Variants in CADM2 observed in about 807,000 individuals in gnomAD.
CADM2 encodes immunoglobulin superfamily member 4D.
In CADM2, 12 loss-of-function variants were observed where a neutral mutation model predicts 49.8. The ratio of observed to expected loss-of-function variants is 0.24; its 90% CI spans 0.15 to 0.39. The LOEUF (loss-of-function observed/expected upper bound fraction) is 0.39, where lower values mean the gene tolerates loss of function less well. Among genes scored for constraint, CADM2 ranks in the 10% least tolerant of loss-of-function variants. CADM2 has a pLI of 1.00. For synonymous variants in CADM2, 214 were observed against 175.4 expected, an observed-to-expected ratio of 1.22 and a Z score of -1.74; for missense variants, 378 against 492.3, an observed-to-expected ratio of 0.77 and a Z score of 2.20.
intron 1 of CADM2, among the ~76,000 whole-genome samples, chr3:85,329,233 G>A (rs560774193): frequency 2.8e-4 from 42 of 152,136 alleles, no homozygotes; most frequent in African/African-American, 9.4e-4. Context: ...TTTGGAAGCA[G>A]CCCTAAAAAA....
intron 1 of CADM2, among the ~76,000 whole-genome samples, chr3:85,216,375 TA>T (rs1206657408): frequency 2.7e-5 from 4 of 146,928 alleles, no homozygotes; most frequent in Non-Finnish European, 6.0e-5. Context: ...TATTTAATAT[TA>T]ATGTACACTT....
chr3:85,221,307 TG>T (rs1029505813), intron 1 of CADM2, among the ~76,000 whole-genome samples: 1 of 152,052 alleles, frequency 6.6e-6, no homozygotes, highest in African/African-American at 2.4e-5. Flanking sequence ...CAGGATAGAA[TG>T]AGGAGGAAAA....
At chr3:85,549,168 C>T (rs1344494814) in intron 1 of CADM2, among the ~76,000 whole-genome samples, 1 of 152,064 alleles carries the variant, frequency 6.6e-6, no homozygotes, top group African/African-American at 2.4e-5. Context: ...ATAATATGCT[C>T]ACATCTGTGG....
chr3:85,991,891 G>T (rs1468125492), intron 8 of CADM2, among the ~76,000 whole-genome samples: 2 of 151,922 alleles, frequency 1.3e-5, no homozygotes, highest in East Asian at 3.9e-4. Context: ...GACCTATGAA[G>T]TCGCTTATTT....
At chr3:85,713,456 A>G (rs1020570612) in intron 1 of CADM2, among the ~76,000 whole-genome samples, 4 of 152,126 alleles carry the variant, frequency 2.6e-5, no homozygotes, top group African/African-American at 7.2e-5. Flanking sequence ...AGCCTAAACC[A>G]TAGTTTATAT....
At chr3:85,934,696 T>C (rs527985378) in intron 6 of CADM2, among the ~76,000 whole-genome samples, 1 of 152,232 alleles carries the variant, frequency 6.6e-6, no homozygotes, top group South Asian at 2.1e-4. Flanking sequence ...GAAATCTAAA[T>C]AATATTTTCC....
chr3:85,490,352 G>T (rs1020700024), intron 1 of CADM2, among the ~76,000 whole-genome samples: 2 of 151,706 alleles, frequency 1.3e-5, no homozygotes, highest in Non-Finnish European at 2.9e-5. Flanking sequence ...ATAGCACAGT[G>T]TTAAGAGTCA....
intron 3 of CADM2, among the ~76,000 whole-genome samples, chr3:85,812,021 T>G (rs756987246): frequency 1.3e-5 from 2 of 152,094 alleles, no homozygotes; most frequent in Non-Finnish European, 2.9e-5. Context: ...TGTATGGATA[T>G]CTATAAAATA....
At chr3:85,107,824 C>T (rs2038303600) in intron 1 of CADM2, among the ~76,000 whole-genome samples, 1 of 151,208 alleles carries the variant, frequency 6.6e-6, no homozygotes, top group Non-Finnish European at 1.5e-5. Context: ...CTCAGCCTCC[C>T]TAGTAGCTGG....
intron 1 of CADM2, among the ~76,000 whole-genome samples, chr3:85,560,178 C>T (rs746703491): frequency 5.3e-5 from 8 of 152,166 alleles, no homozygotes; most frequent in Admixed American, 2.6e-4. Context: ...TATATGCCTG[C>T]GGTTGCTTTC....
At chr3:85,707,530 T>G (rs1349046023) in intron 1 of CADM2, among the ~76,000 whole-genome samples, 1 of 152,042 alleles carries the variant, frequency 6.6e-6, no homozygotes, top group Non-Finnish European at 1.5e-5. Flanking sequence ...GTTTAATTGC[T>G]TTTTCTTAAA....
intron 1 of CADM2, among the ~76,000 whole-genome samples, chr3:85,310,173 T>A (rs1392375485): frequency 6.6e-6 from 1 of 152,198 alleles, no homozygotes. Flanking sequence ...AACGAATACA[T>A]TTATTCTTCT....
chr3:85,709,207 A>G (rs923944332), intron 1 of CADM2, among the ~76,000 whole-genome samples: 2 of 152,166 alleles, frequency 1.3e-5, no homozygotes, highest in African/African-American at 4.8e-5. Flanking sequence ...TTCCAAAACC[A>G]AGAATTAAGT....
At chr3:85,434,444 C>G (rs2036833598) in intron 1 of CADM2, among the ~76,000 whole-genome samples, 1 of 151,830 alleles carries the variant, frequency 6.6e-6, no homozygotes, top group Non-Finnish European at 1.5e-5. Context: ...TCTATCCACT[C>G]AACAAATATG....
At chr3:85,709,980 T>C (rs2067068594) in intron 1 of CADM2, among the ~76,000 whole-genome samples, 1 of 152,158 alleles carries the variant, frequency 6.6e-6, no homozygotes. Flanking sequence ...TTCTATAGCC[T>C]GGAAAGTGTG....
intron 1 of CADM2, among the ~76,000 whole-genome samples, chr3:85,583,625 A>G (rs1474036339): frequency 6.6e-6 from 1 of 152,180 alleles, no homozygotes; most frequent in Non-Finnish European, 1.5e-5. Context: ...ATTTTTAAAT[A>G]CATTATCATT....
intron 2 of CADM2, among the ~76,000 whole-genome samples, chr3:85,751,967 G>T (rs1490548384): frequency 6.6e-6 from 1 of 152,024 alleles, no homozygotes; most frequent in East Asian, 1.9e-4. Flanking sequence ...AATGATTTTA[G>T]ATGAAATGAA....
chr3:85,923,014 A>C (rs942209952), intron 6 of CADM2, among the ~76,000 whole-genome samples: 7 of 151,894 alleles, frequency 4.6e-5, no homozygotes, highest in African/African-American at 1.4e-4. Context: ...TAGTAGAGAC[A>C]GGGTTTCACC....
intron 1 of CADM2, among the ~76,000 whole-genome samples, chr3:85,370,708 A>T (rs901628614): frequency 5.9e-5 from 9 of 152,194 alleles, no homozygotes; most frequent in Non-Finnish European, 1.0e-4. Context: ...TCTTCTACTT[A>T]TAACATTAAT....
Sources: gnomAD v4.1 joint callset for allele counts (sites outside exome capture counted in the v4.1 genomes callset) on GRCh38, gnomAD v4.1.1 for gene constraint, MANE v1.5 for transcripts, NCBI Gene and HGNC (gene_info 2026-07-23, HGNC 2026-07-21) for gene names.